The following SLC12A1 variants were observed in gnomAD, a reference collection of about 807,000 sequenced individuals.
The protein encoded by SLC12A1 is Na-K-2Cl cotransporter.
A neutral mutation model predicts 130.4 loss-of-function variants in SLC12A1; 89 were observed. The ratio of observed to expected loss-of-function variants is 0.68; its 90% CI spans 0.58 to 0.81. The LOEUF (loss-of-function observed/expected upper bound fraction) is 0.81, where lower values mean the gene tolerates loss of function less well. SLC12A1 is among the 40% of genes least tolerant of loss of function. The probability of loss-of-function intolerance (pLI) is 0.00; values close to 1 mark genes in which losing one functional copy is unlikely to be tolerated. For missense variants in SLC12A1, 1,310 were observed against 1,336.4 expected (o/e 0.98, Z 0.31); for synonymous variants, 499 against 460.0 (o/e 1.08, Z -1.09).
chr15:48,249,869 G>T (rs2041627432), intron 14 of SLC12A1, among the ~76,000 whole-genome samples, 193 bp downstream of exon 14: 1 of 152,172 alleles, frequency 6.6e-6, no homozygotes. Flanking sequence ...TTGAGCAATG[G>T]CCTTTTTGAC....
chr15:48,238,927 C>G (rs1011126944), intron 9 of SLC12A1, among the ~76,000 whole-genome samples: 1 of 152,102 alleles, frequency 6.6e-6, no homozygotes, highest in African/African-American at 2.4e-5. Context: ...ATCAAGAAAG[C>G]TAAGAAGTGA....
intron 26 of SLC12A1, among the ~76,000 whole-genome samples, chr15:48,301,761 C>T (rs117717976): frequency 0.029 from 4,442 of 152,218 alleles, 95 homozygotes; most frequent in Non-Finnish European, 0.04. Flanking sequence ...AGCCACTGTG[C>T]CCATGGCAGG....
rs1373506202 is a variant in SLC12A1, at chr15:48,247,002, C to A, written c.1546C>A (p.Pro516Thr). The change falls in exon 12 of 27, where the codon CCC (proline) becomes ACC (threonine). Residue 516 changes from proline (P) to threonine (T), a missense_variant. Physicochemically the swap from Pro to Thr is conservative, Grantham distance 38. Transcript: ENST00000380993. ...CGCCCTGGCCTCCCTTGTCAGCGCA[C>A]CCAAAGTGTTCCAGGTAATACAAGC... ...SSALASLVSA[P>T]KVFQALCKDN... The A allele has an allele frequency of 6.1e-5, 98 of 1,613,212 alleles. No homozygotes were observed. The highest frequency in any genetic ancestry group is 8.3e-5 in the Non-Finnish European group (98 of 1,179,332).
chr15:48,289,003 G>A (rs1468396249), intron 23 of SLC12A1, among the ~76,000 whole-genome samples: 1 of 151,998 alleles, frequency 6.6e-6, no homozygotes, highest in African/African-American at 2.4e-5. Flanking sequence ...GGAGCTGCAG[G>A]ACTTTGCAAC....
chr15:48,256,356 G>C (rs186580581), intron 16 of SLC12A1, among the ~76,000 whole-genome samples: 1 of 152,358 alleles, frequency 6.6e-6, no homozygotes, highest in Admixed American at 6.5e-5. Flanking sequence ...AAGAATGAAA[G>C]AAAGTAACAT....
intron 21 of SLC12A1, among the ~76,000 whole-genome samples, chr15:48,285,584 C>A (rs2042048387): frequency 6.6e-6 from 1 of 152,196 alleles, no homozygotes; most frequent in Non-Finnish European, 1.5e-5. Flanking sequence ...AGCCAATACC[C>A]AAACTGTCTT....
intron 21 of SLC12A1, among the ~76,000 whole-genome samples, chr15:48,287,677 A>G (rs940525719): frequency 1.3e-5 from 2 of 152,370 alleles, no homozygotes; most frequent in Admixed American, 6.5e-5. Context: ...AAGGTGATTT[A>G]TATCTGAGAT....
chr15:48,302,056 G>C (rs2042238572), intron 26 of SLC12A1, among the ~76,000 whole-genome samples: 1 of 152,094 alleles, frequency 6.6e-6, no homozygotes, highest in Non-Finnish European at 1.5e-5. Context: ...TGCTGGATTG[G>C]GTGGTAGGGT....
At chr15:48,298,986 C>T (rs2042205024) in intron 24 of SLC12A1, among the ~76,000 whole-genome samples, 154 bp from the exon 25 acceptor site, 1 of 152,212 alleles carries the variant, frequency 6.6e-6, no homozygotes, top group African/African-American at 2.4e-5. Context: ...CATGGTTTTA[C>T]TCACAGTAAA....
chr15:48,267,427 C>G, intron 17 of SLC12A1, 134 bp from the exon 18 acceptor site: 2 of 904,854 alleles, frequency 2.2e-6, no homozygotes. Flanking sequence ...GAACCCTGTT[C>G]AGTGAGGTGT....
intron 23 of SLC12A1, 61 bp downstream of exon 23, chr15:48,288,577 AT>A: frequency 2.5e-6 from 2 of 800,722 alleles, no homozygotes; most frequent in Non-Finnish European, 4.2e-6. Flanking sequence ...TAATGCTTTA[AT>A]TTTAATAACT....
At chr15:48,238,066 T>C (rs989562142) in intron 9 of SLC12A1, among the ~76,000 whole-genome samples, 1 of 152,214 alleles carries the variant, frequency 6.6e-6, no homozygotes, top group African/African-American at 2.4e-5. Flanking sequence ...TAAGAAAACA[T>C]TATACATCAC....
At chr15:48,214,532 A>G (rs1280943492) in intron 2 of SLC12A1, among the ~76,000 whole-genome samples, 1 of 152,242 alleles carries the variant, frequency 6.6e-6, no homozygotes, top group Non-Finnish European at 1.5e-5. Flanking sequence ...GTAGTGATTT[A>G]TAGGCATAAT....
chr15:48,302,484 G>T (rs553892885), intron 26 of SLC12A1, among the ~76,000 whole-genome samples: 3 of 150,468 alleles, frequency 2.0e-5, no homozygotes, highest in Non-Finnish European at 4.4e-5. Context: ...GCCGGGCGCG[G>T]TGGCGGGCGC....
rs367770467 is a variant in SLC12A1, at chr15:48,246,933, G to A, written c.1477G>A (p.Gly493Ser). Reference protein sequence around the residue: ...FQVMSMVSGFGPLITAGIFSA... With the variant: ...FQVMSMVSGFSPLITAGIFSA... ...GGTCATGAGCATGGTATCAGGGTTC[G>A]GCCCCCTCATCACTGCGGGAATCTT... The change falls in exon 12 of 27, where the codon GGC (glycine) becomes AGC (serine). Residue 493 changes from glycine to serine, a missense_variant. Physicochemically the swap from Gly to Ser is moderately conservative, Grantham distance 56. Transcript: ENST00000380993. 13 of 1,613,634 alleles carry A rather than the reference G, an allele frequency of 8.1e-6. No individual in the cohort carries two copies. Among genetic ancestry groups the A allele is most frequent in the Admixed American group, 1.7e-5 (1 of 59,982 alleles).
chr15:48,290,533 C>A (rs1396377887), intron 23 of SLC12A1, among the ~76,000 whole-genome samples: 2 of 152,150 alleles, frequency 1.3e-5, no homozygotes, highest in Non-Finnish European at 2.9e-5. Context: ...TTTGTTTACA[C>A]CAGCATCATC....
chr15:48,257,757 G>T (rs1418466572), intron 16 of SLC12A1, among the ~76,000 whole-genome samples: 1 of 152,180 alleles, frequency 6.6e-6, no homozygotes, highest in Admixed American at 6.5e-5. Flanking sequence ...GGGCCTCCAG[G>T]CCTGTGATGA....
intron 15 of SLC12A1, among the ~76,000 whole-genome samples, chr15:48,254,528 T>C (rs1265779463): frequency 6.9e-6 from 1 of 145,120 alleles, no homozygotes; most frequent in African/African-American, 2.5e-5. Flanking sequence ...GGGGTGTATC[T>C]GTACATTCTT....
chr15:48,220,615 T>C lies in SLC12A1; in HGVS notation c.421-19T>C. 6.2e-7 allele frequency: 1 copy of C among 1,609,086 alleles called. No individual in the cohort carries two copies. Among genetic ancestry groups the C allele is most frequent in the Non-Finnish European group, 8.5e-7 (1 of 1,177,026 alleles). The stretch of plus-strand genomic sequence containing the variant: ...GTTCATTGACCAACTACTGTGTTTT[T>C]GCTATCTATAAAATGCAGAATGTGG... On this transcript the variant is annotated intron_variant, in intron 2 of 26. Transcript: ENST00000380993.
Sources: gnomAD v4.1 joint callset for allele counts (sites outside exome capture counted in the v4.1 genomes callset) on GRCh38, gnomAD v4.1.1 for gene constraint, MANE v1.5 for transcripts, NCBI Gene and HGNC (gene_info 2026-07-23, HGNC 2026-07-21) for gene names.